Variants in KIF13A observed in about 807,000 individuals in gnomAD.
KIF13A encodes kinesin-like protein KIF13A.
Under a neutral mutation model 212.2 loss-of-function variants are expected in KIF13A, and 79 were observed. The ratio of observed to expected loss-of-function variants is 0.37; its 90% CI spans 0.31 to 0.45. The LOEUF is 0.45. Ranked by LOEUF, KIF13A falls within the 20% of genes least tolerant of loss-of-function variation. KIF13A has a pLI of 1.00. For missense variants in KIF13A, 1,901 were observed against 2,209.0 expected, an observed-to-expected ratio of 0.86 and a Z score of 2.79; for synonymous variants, 789 against 808.6, an observed-to-expected ratio of 0.98 and a Z score of 0.41.
intron 18 of KIF13A, 54 bp downstream of exon 18, chr6:17,808,714 T>C: frequency 1.3e-6 from 2 of 1,520,988 alleles, no homozygotes; most frequent in South Asian, 2.5e-5. Context: ...TAGATCCTAT[T>C]TTACAATATT....
At chr6:17,942,167 T>A (rs1470289017) in intron 2 of KIF13A, among the ~76,000 whole-genome samples, 1 of 151,796 alleles carries the variant, frequency 6.6e-6, no homozygotes, top group Non-Finnish European at 1.5e-5. Context: ...CCAGGCGTGG[T>A]GGCATACACC....
rs1334403117 is a variant in KIF13A at position 17,826,278 on chromosome 6, AAC to A, written c.1533-156_1533-155del. On this transcript the variant is annotated intron_variant, in intron 14 of 38. Coordinates refer to ENST00000259711, the MANE Select transcript of KIF13A (RefSeq NM_022113.6). This position sits in a 1 kb window ranked among gnomAD's most constrained non-coding sequence, Gnocchi z 4.7. ...GAGCAGAATGTGTAACCACTATGAA[AAC>A]ACACAATCTAAGCCATGAGGACCAA... is the stretch of plus-strand genomic sequence containing the variant. 2.6e-5 allele frequency among the ~76,000 whole-genome samples: 4 copies of A among 152,178 alleles called. No homozygotes were observed. The highest frequency in any genetic ancestry group is 2.6e-4 in the Admixed American group (4 of 15,274).
At position 17,763,973 on chromosome 6, in the gene KIF13A, C is replaced by G; in HGVS notation, c.*137G>C. ...CTAGTTCCCAAAACAGACTTGCTCT[C>G]CGACAGAGACAGCTGTGCAGGAAGT... On this transcript the variant is annotated 3_prime_UTR_variant, in exon 39 of 39. Coordinates refer to ENST00000259711, the MANE Select transcript of KIF13A (RefSeq NM_022113.6). 1 of 1,445,756 alleles carries G rather than the reference C, an allele frequency of 6.9e-7. No homozygotes were observed. The highest frequency in any genetic ancestry group is 9.1e-7 in the Non-Finnish European group (1 of 1,100,044). The allele number at this position is 1,445,756 out of a possible 1,614,324, so 89.6% of individuals were successfully genotyped here.
At position 17,816,111 on chromosome 6, in the gene KIF13A, G is replaced by T. The variant is rs979736148; in HGVS notation, c.2000+909C>A. ...TTTCTGTATTTTTAGTAGAGACAGG[G>T]TTTCACCATGTTGGCCAGGCTGGTC... On this transcript the variant is annotated intron_variant, in intron 17 of 38. Transcript: ENST00000259711. This position sits in a 1 kb window ranked among gnomAD's most constrained non-coding sequence, Gnocchi z 4.3. Among the ~76,000 whole-genome samples, 9 of 151,608 alleles carry T rather than the reference G, an allele frequency of 5.9e-5. No homozygotes were observed. Among genetic ancestry groups the T allele is most frequent in the Admixed American group, 5.3e-4 (8 of 15,216 alleles).
chr6:17,822,040 C>CTTTT (rs1764507652), intron 16 of KIF13A: 5 of 615,924 alleles, frequency 8.1e-6, no homozygotes, highest in East Asian at 3.6e-5. Flanking sequence ...GGAAACATAA[C>CTTTT]TTCTTTTTTT....
intron 3 of KIF13A, among the ~76,000 whole-genome samples, chr6:17,875,134 G>A (rs557793206): frequency 2.6e-5 from 4 of 151,820 alleles, no homozygotes; most frequent in South Asian, 2.1e-4. Flanking sequence ...TATCTTTTTC[G>A]TATAATGACT....
chr6:17,911,755 A>C (rs1458021715), intron 2 of KIF13A, among the ~76,000 whole-genome samples: 1 of 132,018 alleles, frequency 7.6e-6, no homozygotes, highest in African/African-American at 2.8e-5. Context: ...CAAGGTGACT[A>C]TAGTCAATAA....
intron 17 of KIF13A, 24 bp from the exon 18 acceptor site, chr6:17,808,954 C>T (rs370183815): frequency 3.9e-5 from 60 of 1,543,004 alleles, no homozygotes; most frequent in African/African-American, 2.6e-4. Context: ...GAAAAGGGAA[C>T]GAGAAAATCT....
chr6:17,905,431 G>T (rs1263597311), intron 2 of KIF13A, among the ~76,000 whole-genome samples: 1 of 152,212 alleles, frequency 6.6e-6, no homozygotes, highest in Non-Finnish European at 1.5e-5. Flanking sequence ...ATGGTGATAA[G>T]TGTGACAACA....
chr6:17,777,234 C>T lies in KIF13A; in HGVS notation c.4170+43G>A, dbSNP rs770205178. ...CCACCTTCCCCCACCCCAGAGGCTGCGACATGTCACATAGGAGCAGATCCT... is the reference window on the plus strand; with the variant it reads ...CCACCTTCCCCCACCCCAGAGGCTGTGACATGTCACATAGGAGCAGATCCT... On this transcript the variant is annotated intron_variant, in intron 34 of 38. Coordinates refer to ENST00000259711, the MANE Select transcript of KIF13A (RefSeq NM_022113.6). This position sits in a 1 kb window ranked among gnomAD's most constrained non-coding sequence, Gnocchi z 4.4. 1.3e-5 allele frequency: 19 copies of T among 1,504,050 alleles called. No individual in the cohort carries two copies. Among genetic ancestry groups the T allele is most frequent in the East Asian group, 4.6e-5 (2 of 43,604 alleles). 93.2% of individuals were successfully genotyped at this position (1,504,050 alleles called of 1,614,324 possible). A position where few individuals can be genotyped will look rare whatever the true frequency, so the allele number is the denominator to read the frequency against.
rs1204925012 is a variant in KIF13A, at chr6:17,817,103, C to T, written c.1917G>A (p.Arg639=). Residue 639 remains arginine, a synonymous_variant, in exon 17 of 39, where the codon AGG becomes AGA. Transcript: ENST00000259711. ...EQLRQQLSPD[R]QPQSSGPDRL... is the part of the protein sequence containing the mutation. Reference sequence around the variant, plus strand: ...GGTCAGGGCCGCTACTCTGTGGCTGCCTGTCGGGGGAGAGCTGCTGGCGGA... The same window carrying T: ...GGTCAGGGCCGCTACTCTGTGGCTGTCTGTCGGGGGAGAGCTGCTGGCGGA... 4 of 1,613,838 alleles carry T rather than the reference C, an allele frequency of 2.5e-6. No individual in the cohort carries two copies. Among genetic ancestry groups the T allele is most frequent in the Non-Finnish European group, 3.4e-6 (4 of 1,179,912 alleles).
At position 17,764,459 on chromosome 6, in the gene KIF13A, G is replaced by A; in HGVS notation, c.5069C>T (p.Ser1690Phe). ...PSSQSIPEKN[S>F]KSLCRTGSCS... ...TGAGCCAGTCCTGCACAGTGATTTGGAGTTTTTCTCAGGGATGCTCTGGGA... is the reference window on the plus strand; with the variant it reads ...TGAGCCAGTCCTGCACAGTGATTTGAAGTTTTTCTCAGGGATGCTCTGGGA... The change falls in exon 39 of 39, where the codon TCC (serine) becomes TTC (phenylalanine). Residue 1690 changes from serine (S) to phenylalanine (F), a missense_variant. Around this residue, in one of 5 missense-constraint regions of KIF13A, gnomAD observed 687 missense variants for 759.1 expected, o/e 0.90. Transcript: ENST00000259711. This position sits in a 1 kb window ranked among gnomAD's most constrained non-coding sequence, Gnocchi z 5.1. 6.2e-7 allele frequency: 1 copy of A among 1,614,040 alleles called. No homozygotes were observed. Among genetic ancestry groups the A allele is most frequent in the Non-Finnish European group, 8.5e-7 (1 of 1,179,902 alleles).
chr6:17,783,760 G>C lies in KIF13A; in HGVS notation c.3489-59C>G, dbSNP rs1760809444. On this transcript the variant is annotated intron_variant, in intron 28 of 38. Coordinates refer to ENST00000259711, the MANE Select transcript of KIF13A (RefSeq NM_022113.6). This position sits in a 1 kb window ranked among gnomAD's most constrained non-coding sequence, Gnocchi z 4.3. ...ATATGTATTTTACATCTTGTTAGCT[G>C]ATAAAACACCACAGAGCTGTGGAAG... 9.2e-7 allele frequency: 1 copy of C among 1,092,512 alleles called. No homozygotes were observed. Among genetic ancestry groups the C allele is most frequent in the South Asian group, 1.3e-5 (1 of 74,860 alleles). 67.7% of individuals were successfully genotyped at this position (1,092,512 alleles called of 1,614,324 possible).
rs1014579272 is a variant in KIF13A at position 17,838,565 on chromosome 6, T to A, written c.831-982A>T. On this transcript the variant is annotated intron_variant, in intron 9 of 38. Coordinates refer to ENST00000259711, the MANE Select transcript of KIF13A (RefSeq NM_022113.6). This position sits in a 1 kb window ranked among gnomAD's most constrained non-coding sequence, Gnocchi z 4.2. ...GAATTCATTTGATCAGAATGGCTGT[T>A]AGAATTTTAATAACAGCCATTACCA... is the stretch of plus-strand genomic sequence containing the variant. Among the ~76,000 whole-genome samples, 5 of 152,164 alleles carry A rather than the reference T, an allele frequency of 3.3e-5. No individual in the cohort carries two copies. The highest frequency in any genetic ancestry group is 1.2e-4 in the African/African-American group (5 of 41,420).
chr6:17,864,047 G>C (rs1263763997), intron 4 of KIF13A, among the ~76,000 whole-genome samples: 1 of 152,174 alleles, frequency 6.6e-6, no homozygotes, highest in African/African-American at 2.4e-5. Context: ...GGTGCTATTT[G>C]TCTAGGGGAA....
At chr6:17,952,803 G>A (rs541298181) in intron 2 of KIF13A, among the ~76,000 whole-genome samples, 1 of 151,630 alleles carries the variant, frequency 6.6e-6, no homozygotes, top group African/African-American at 2.4e-5. Context: ...GGTGGTGGGC[G>A]CCTGTAGCCC....
In KIF13A at chr6:17,809,249, C is replaced by A. The variant is rs1159517563; in HGVS notation, c.2001-319G>T. 6.6e-6 allele frequency among the ~76,000 whole-genome samples: 1 copy of A among 152,108 alleles called. No homozygotes were observed. The highest frequency in any genetic ancestry group is 2.4e-5 in the African/African-American group (1 of 41,414). On this transcript the variant is annotated intron_variant, in intron 17 of 38. Transcript: ENST00000259711. The surrounding 1 kb of genome is among the most constrained non-coding windows in gnomAD (Gnocchi z 4.7). ...CTTTGGGAAAAACAAACGATGATTA[C>A]GACTTGTGTGTGCTGAGGGAGGGTG...
At chr6:17,923,669 G>C (rs1004737448) in intron 2 of KIF13A, among the ~76,000 whole-genome samples, 3 of 152,090 alleles carry the variant, frequency 2.0e-5, no homozygotes, top group Non-Finnish European at 4.4e-5. Context: ...TAAGATAAAT[G>C]AGAAGGGCCA....
chr6:17,788,414 C>T (rs368245804), intron 26 of KIF13A, among the ~76,000 whole-genome samples: 3 of 152,168 alleles, frequency 2.0e-5, no homozygotes, highest in African/African-American at 7.2e-5. Context: ...GCAAAAATCT[C>T]CCATGCAAAC....
Sources: allele counts gnomAD v4.1 joint callset (sites outside exome capture counted in the v4.1 genomes callset), GRCh38; gene constraint gnomAD v4.1.1; regional missense constraint gnomAD v4.1.1; non-coding constraint Gnocchi (gnomAD v3.1); transcripts MANE v1.5; gene names NCBI Gene and HGNC (gene_info 2026-07-23, HGNC 2026-07-21).